Variants in ELN observed in about 807,000 individuals in gnomAD.
The protein encoded by ELN is elastin.
ELN carries 65 observed loss-of-function variants against 105.8 expected under a neutral mutation model. The ratio of observed to expected loss-of-function variants is 0.61; its 90% CI spans 0.50 to 0.75. The LOEUF (loss-of-function observed/expected upper bound fraction) is 0.75. Among genes scored for constraint, ELN ranks in the 30% least tolerant of loss-of-function variants. The pLI, the probability that ELN is intolerant of heterozygous loss-of-function variation, is 0.00. For missense variants in ELN, 882 were observed against 969.4 expected (o/e 0.91, Z 1.20); for synonymous variants, 368 against 389.2 (o/e 0.95, Z 0.64).
At chr7:74,065,634 A>AT in intron 29 of ELN, 60 bp from the exon 30 acceptor site, 1 of 1,560,418 alleles carries the variant, frequency 6.4e-7, no homozygotes, top group Non-Finnish European at 8.7e-7. Flanking sequence ...AAAAAAAAAA[A>AT]GACAGGGCCT....
intron 17 of ELN, chr7:74,052,601 CAGAAAG>C (rs1794283908): frequency 6.7e-6 from 1 of 148,410 alleles, no homozygotes; most frequent in East Asian, 1.9e-4. Context: ...GAAAGAGAGA[CAGAAAG>C]AGAGAGACAG....
intron 1 of ELN, 44 bp downstream of exon 1, chr7:74,028,313 G>C (rs782448509): frequency 5.1e-6 from 8 of 1,578,862 alleles, no homozygotes; most frequent in Non-Finnish European, 6.9e-6. Flanking sequence ...CCACAGCTGC[G>C]GGCCCTTTGG....
chr7:74,068,057 G>A (rs1397777635), intron 32 of ELN, among the ~76,000 whole-genome samples: 5 of 151,734 alleles, frequency 3.3e-5, no homozygotes, highest in African/African-American at 1.2e-4. Flanking sequence ...GTTAGGAACT[G>A]CTCCGGGCCG....
At chr7:74,054,336 G>C (rs976469815) in intron 18 of ELN, among the ~76,000 whole-genome samples, 1 of 152,136 alleles carries the variant, frequency 6.6e-6, no homozygotes. Context: ...CAGGCATGGT[G>C]GTGGGTGCCT....
At position 74,064,414 on chromosome 7, in the gene ELN, C is replaced by CAAA. The variant is rs782201893; in HGVS notation, c.1993+727_1993+729dup. Among the ~76,000 whole-genome samples the CAAA allele has an allele frequency of 5.0e-3, 670 of 134,278 alleles. 1 individual carries two copies. The highest frequency in any genetic ancestry group is 8.8e-3 in the African/African-American group (306 of 34,908). 88.1% of individuals were successfully genotyped at this position (134,278 alleles called of 152,430 possible). A position where few individuals can be genotyped will look rare whatever the true frequency, so the allele number is the denominator to read the frequency against. On this transcript the variant is annotated intron_variant, in intron 29 of 32. Transcript: ENST00000252034. ...TGGGCGACAGAGCGAGACTCCGTCT[C>CAAA]AAAAAAAAAATATATATATATATAT...
At chr7:74,035,506 A>G in intron 2 of ELN, 92 bp downstream of exon 2, 1 of 1,464,798 alleles carries the variant, frequency 6.8e-7, no homozygotes, top group Non-Finnish European at 9.5e-7. Context: ...GAAGGTAGGA[A>G]CATTGACACG....
intron 1 of ELN, among the ~76,000 whole-genome samples, chr7:74,033,620 C>T (rs1313707680): frequency 1.4e-4 from 22 of 152,216 alleles, no homozygotes; most frequent in Non-Finnish European, 4.4e-5. Flanking sequence ...GCGCCGGGGT[C>T]TTGGCTCCGG....
intron 9 of ELN, among the ~76,000 whole-genome samples, chr7:74,044,437 C>T (rs575682019): frequency 1.3e-5 from 2 of 152,252 alleles, no homozygotes; most frequent in South Asian, 4.1e-4. Context: ...ACCAGCCTTC[C>T]TGCACCCCAC....
At chr7:74,068,576 G>T in intron 32 of ELN, 81 bp from the exon 33 acceptor site, 3 of 1,569,748 alleles carry the variant, frequency 1.9e-6, no homozygotes, top group East Asian at 2.2e-5. Context: ...GCCTCCATTC[G>T]AGTGGGTCAG....
chr7:74,035,277 G>A (rs1554664756), intron 1 of ELN, 87 bp from the exon 2 acceptor site: 3 of 1,388,572 alleles, frequency 2.2e-6, no homozygotes, highest in African/African-American at 1.4e-5. Context: ...TTTTGCCATT[G>A]AAAGTAATGG....
intron 12 of ELN, 146 bp downstream of exon 12, chr7:74,046,913 G>A (rs996553978): frequency 3.3e-5 from 31 of 932,078 alleles, no homozygotes; most frequent in Admixed American, 4.1e-5. Flanking sequence ...GCAAAACCCC[G>A]TCCCTACTAA....
intron 2 of ELN, among the ~76,000 whole-genome samples, chr7:74,036,286 TC>T (rs1456378152): frequency 6.6e-6 from 1 of 151,414 alleles, no homozygotes; most frequent in African/African-American, 2.4e-5. Context: ...AGAGGGAGAC[TC>T]CGTATAAAAA....
intron 22 of ELN, among the ~76,000 whole-genome samples, chr7:74,058,949 G>A (rs1554682161): frequency 6.6e-6 from 1 of 152,076 alleles, no homozygotes; most frequent in East Asian, 1.9e-4. Flanking sequence ...TTGAGACGGG[G>A]TCTCACATTG....
At chr7:74,041,763 T>G (rs1791262024) in intron 5 of ELN, among the ~76,000 whole-genome samples, 1 of 151,916 alleles carries the variant, frequency 6.6e-6, no homozygotes, top group Non-Finnish European at 1.5e-5. Context: ...CAGGCTGGAG[T>G]GCAGTGGCTC....
chr7:74,062,361 C>T (rs1237621054), intron 26 of ELN: 3 of 152,290 alleles, frequency 2.0e-5, no homozygotes, highest in African/African-American at 7.2e-5. Flanking sequence ...GCGCAGGCTC[C>T]CCAGCCACTT....
In ELN at chr7:74,051,910, G is replaced by A. The variant is rs782799784; in HGVS notation, c.890-14G>A. On this transcript the variant is annotated splice_polypyrimidine_tract_variant and intron_variant, in intron 16 of 32. Transcript: ENST00000252034. ...ACAGGGCAAGGACCTCACCCTCTGT[G>A]GCTGTGTTTTCAGGCGTTGGGACTC... is the stretch of plus-strand genomic sequence containing the variant. 41 of 1,614,020 alleles carry A rather than the reference G, an allele frequency of 2.5e-5. No individual in the cohort carries two copies. Among genetic ancestry groups the A allele is most frequent in the Non-Finnish European group, 3.2e-5 (38 of 1,180,040 alleles).
At chr7:74,064,419 A>T in intron 29 of ELN, among the ~76,000 whole-genome samples, 1 of 130,374 alleles carries the variant, frequency 7.7e-6, no homozygotes, top group East Asian at 2.0e-4. Flanking sequence ...CGTCTCAAAA[A>T]AAAAATATAT....
At chr7:74,051,090 G>T (rs568761868) in intron 15 of ELN, among the ~76,000 whole-genome samples, 3 of 152,214 alleles carry the variant, frequency 2.0e-5, no homozygotes, top group Non-Finnish European at 4.4e-5. Flanking sequence ...CCGTGCAGTG[G>T]GTGGAGTGGG....
Position 74,043,972 on chromosome 7 carries a change from G to A in ELN, c.469+52G>A, listed in dbSNP as rs368539661. On this transcript the variant is annotated intron_variant, in intron 9 of 32. Transcript: ENST00000252034. ...TCTATAGGAAGAAAGCAGCCAGGACGCAGTGGCTCATGCCTATAATCCCAT... is the reference window on the plus strand; with the variant it reads ...TCTATAGGAAGAAAGCAGCCAGGACACAGTGGCTCATGCCTATAATCCCAT... The A allele has an allele frequency of 1.1e-4, 179 of 1,607,172 alleles. 1 individual carries two copies. The highest frequency in any genetic ancestry group is 2.9e-4 in the South Asian group (26 of 90,418).
Sources: gnomAD v4.1 joint callset for allele counts (sites outside exome capture counted in the v4.1 genomes callset) on GRCh38, gnomAD v4.1.1 for gene constraint, MANE v1.5 for transcripts, NCBI Gene and HGNC (gene_info 2026-07-23, HGNC 2026-07-21) for gene names.